Variants in DMD observed in about 807,000 individuals in gnomAD.
DMD encodes dystrophin.
In DMD, 63 loss-of-function variants were observed where a neutral mutation model predicts 330.1. That is an observed-to-expected ratio of 0.19 (90% CI 0.16 to 0.24). The LOEUF (loss-of-function observed/expected upper bound fraction) is 0.24, where lower values mean the gene tolerates loss of function less well. DMD is among the 10% of genes least tolerant of loss of function. DMD has a pLI of 1.00. For synonymous variants in DMD, 1,223 were observed against 959.8 expected (o/e 1.27, Z -5.07); for missense variants, 3,344 against 2,684.1 (o/e 1.25, Z -5.43).
At chrX:31,435,973 G>C (rs1188892274) in intron 60 of DMD, among the ~76,000 whole-genome samples, 1 of 111,598 alleles carries the variant, frequency 9.0e-6, no homozygotes, top group Non-Finnish European at 1.9e-5. Context: ...AATGTCAGTT[G>C]CAGAATAAGG....
rs749877572 is a variant in DMD at position 32,661,148 on chromosome X, A to G, written c.961-15996T>C. On this transcript the variant is annotated intron_variant, in intron 9 of 78. Transcript: ENST00000357033. ...AATAAGCCTGTGAAGAGACATTATA[A>G]TATGTCCTTCTAGAACCCCAGTTCA... 5.4e-5 allele frequency among the ~76,000 whole-genome samples: 6 copies of G among 111,564 alleles called. No homozygotes were observed. In the South Asian group the frequency reaches 2.2e-3, roughly 42 times the overall value.
chrX:32,704,555 ACAAG>A (rs1176845692), intron 7 of DMD, among the ~76,000 whole-genome samples: 1 of 112,204 alleles, frequency 8.9e-6, no homozygotes, highest in Non-Finnish European at 1.9e-5. Flanking sequence ...GTAATTGAAA[ACAAG>A]CAAGATTTCA....
chrX:32,342,992 A>AAAC, intron 40 of DMD, 142 bp downstream of exon 40: 1 of 617,912 alleles, frequency 1.6e-6, no homozygotes, highest in African/African-American at 2.2e-5. Flanking sequence ...CATTTACTGA[A>AAAC]AACAACACAC....
intron 66 of DMD, 138 bp downstream of exon 66, chrX:31,206,444 T>C (rs1402628805): frequency 1.8e-5 from 10 of 561,589 alleles, no homozygotes; most frequent in Non-Finnish European, 3.0e-5. Flanking sequence ...AACCAAATTT[T>C]ATGACACTCT....
chrX:32,816,399 G>GA (rs35367378), intron 6 of DMD, 69 bp downstream of exon 6: 1 of 1,143,755 alleles, frequency 8.7e-7, no homozygotes, highest in African/African-American at 1.8e-5. Flanking sequence ...CCATACTGGG[G>GA]AAAAATATGT....
intron 76 of DMD, among the ~76,000 whole-genome samples, chrX:31,139,829 C>T (rs1363521921): frequency 9.0e-6 from 1 of 110,891 alleles, no homozygotes; most frequent in Non-Finnish European, 1.9e-5. Flanking sequence ...TAACCAAACA[C>T]CACCTGGGTT....
chrX:32,559,816 G>A (rs1473526107), intron 16 of DMD, among the ~76,000 whole-genome samples: 1 of 111,343 alleles, frequency 9.0e-6, no homozygotes, highest in East Asian at 2.8e-4. Flanking sequence ...CTCCCATCAG[G>A]TGCTTGCTTC....
intron 4 of DMD, among the ~76,000 whole-genome samples, chrX:32,825,672 G>A (rs1036484655): frequency 1.8e-5 from 2 of 111,617 alleles, no homozygotes; most frequent in East Asian, 5.6e-4. Context: ...TACATACAAC[G>A]GAATATTTTC....
chrX:32,710,693 C>T (rs1215057770), intron 7 of DMD, among the ~76,000 whole-genome samples: 1 of 110,637 alleles, frequency 9.0e-6, no homozygotes, highest in African/African-American at 3.3e-5. Context: ...AAAATGTACT[C>T]AAGTGCTCTC....
intron 2 of DMD, among the ~76,000 whole-genome samples, chrX:33,004,995 G>C (rs1056320468): frequency 9.0e-6 from 1 of 110,625 alleles, no homozygotes; most frequent in Non-Finnish European, 1.9e-5. Flanking sequence ...ATTGGTATTT[G>C]TTTGTGTTCA....
intron 36 of DMD, among the ~76,000 whole-genome samples, chrX:32,364,199 T>C (rs891913161): frequency 8.9e-6 from 1 of 112,259 alleles, no homozygotes; most frequent in Non-Finnish European, 1.9e-5. Context: ...GCTGACTGGA[T>C]TTCAGGTGTT....
chrX:33,067,317 A>C (rs2094679845), intron 1 of DMD, among the ~76,000 whole-genome samples: 2 of 112,387 alleles, frequency 1.8e-5, no homozygotes, highest in African/African-American at 6.5e-5. Context: ...AATGATTATA[A>C]AAGCCTTAAT....
At chrX:31,601,973 G>C (rs992800595) in intron 55 of DMD, among the ~76,000 whole-genome samples, 5 of 111,276 alleles carry the variant, frequency 4.5e-5, no homozygotes, top group Admixed American at 3.8e-4. Flanking sequence ...GACCCAAACA[G>C]ACTTATTTTA....
chrX:33,081,571 G>A (rs749362189), intron 1 of DMD, among the ~76,000 whole-genome samples: 2 of 112,320 alleles, frequency 1.8e-5, no homozygotes, highest in Admixed American at 9.4e-5. Flanking sequence ...TTACAAGCAC[G>A]AGCCACGGCA....
intron 1 of DMD, among the ~76,000 whole-genome samples, chrX:33,167,404 C>T (rs1298514086): frequency 3.6e-5 from 4 of 110,583 alleles, no homozygotes; most frequent in South Asian, 3.7e-4. Context: ...TTCTTCAATT[C>T]GACTAGTAAT....
At chrX:31,898,225 A>T (rs2094372999) in intron 47 of DMD, among the ~76,000 whole-genome samples, 1 of 110,517 alleles carries the variant, frequency 9.0e-6, no homozygotes, top group South Asian at 3.9e-4. Flanking sequence ...TGCCATCCCC[A>T]TCAAGCTACC....
At chrX:31,678,371 C>G (rs1240907082) in intron 53 of DMD, among the ~76,000 whole-genome samples, 1 of 111,931 alleles carries the variant, frequency 8.9e-6, no homozygotes, top group East Asian at 2.8e-4. Context: ...TACCATGTTA[C>G]TTCCCTGCTC....
chrX:31,154,845 C>T (rs903790244), intron 74 of DMD, among the ~76,000 whole-genome samples: 1 of 111,171 alleles, frequency 9.0e-6, no homozygotes, highest in African/African-American at 3.3e-5. Flanking sequence ...CCCTAAGGAA[C>T]ATTAATTCAA....
At chrX:32,121,661 A>ATATATATG (rs1415216267) in intron 44 of DMD, among the ~76,000 whole-genome samples, 22 of 81,306 alleles carry the variant, frequency 2.7e-4, no homozygotes, top group Non-Finnish European at 3.6e-4. Context: ...ATATATATAT[A>ATATATATG]TATGTATTCG....
Sources: allele counts gnomAD v4.1 joint callset (sites outside exome capture counted in the v4.1 genomes callset), GRCh38; gene constraint gnomAD v4.1.1; transcripts MANE v1.5; gene names NCBI Gene and HGNC (gene_info 2026-07-23, HGNC 2026-07-21).